NEUROD6: variants seen among roughly 807,000 people sequenced by gnomAD.
The protein encoded by NEUROD6 is neuronal differentiation 6.
In NEUROD6, 5 loss-of-function variants were observed where a neutral mutation model predicts 24.1. The ratio of observed to expected loss-of-function variants is 0.21; its 90% CI spans 0.11 to 0.44. NEUROD6 has a LOEUF of 0.44. NEUROD6 is among the 20% of genes least tolerant of loss of function. The pLI, the probability that NEUROD6 is intolerant of heterozygous loss-of-function variation, is 0.99. For missense variants in NEUROD6, 325 were observed against 409.5 expected (o/e 0.79, Z 1.78); for synonymous variants, 182 against 154.1 (o/e 1.18, Z -1.34).
chr7:31,340,198 A>G (rs936380388), intron 1 of NEUROD6, among the ~76,000 whole-genome samples: 2 of 152,208 alleles, frequency 1.3e-5, no homozygotes, highest in African/African-American at 2.4e-5. Flanking sequence ...TCTGACTGCA[A>G]TTGTGCACGT....
Position 31,338,287 on chromosome 7 carries a change from G to T in NEUROD6, c.982C>A (p.Gln328Lys), listed in dbSNP as rs746084879. ...LHLRSQSLTMQDELNAVFHN is the reference protein window; with the variant it reads ...LHLRSQSLTMKDELNAVFHN Reference sequence around the variant, plus strand: ...TGAAAAACTGCATTTAATTCATCTTGCATTGTGAGAGATTGGCTGCGCAGA... The same window carrying T: ...TGAAAAACTGCATTTAATTCATCTTTCATTGTGAGAGATTGGCTGCGCAGA... The change falls in exon 2 of 2, where the codon CAA becomes AAA. Residue 328 changes from glutamine (Q) to lysine (K), a missense_variant. By Grantham distance (53) the Gln-to-Lys change is moderately conservative. Transcript: ENST00000297142. The surrounding 1 kb of genome is among the most constrained non-coding windows in gnomAD (Gnocchi z 5.1). The T allele has an allele frequency of 1.9e-6, 3 of 1,613,720 alleles. No homozygotes were observed. The highest frequency in any genetic ancestry group is 1.3e-5 in the African/African-American group (1 of 74,870).
chr7:31,338,493 G>A lies in NEUROD6; in HGVS notation c.776C>T (p.Pro259Leu), dbSNP rs1783091408. Residue 259 changes from proline to leucine, a missense_variant, in exon 2 of 2, where the codon CCC becomes CTC. Physicochemically the swap from Pro to Leu is moderately conservative, Grantham distance 98 (BLOSUM62 -3). This residue lies in a region of NEUROD6 where 175 missense variants were observed against 201.3 expected (regional missense o/e 0.87). Transcript: ENST00000297142. The surrounding 1 kb of genome is among the most constrained non-coding windows in gnomAD (Gnocchi z 5.1). The stretch of plus-strand genomic sequence containing the variant: ...ATAGTTAATTGGGGGAGGACTTAAG[G>A]GACCTTCAAACTGAGGGCTGGCACA... ...PECASPQFEG[P>L]LSPPPINYNG... 1 of 1,613,892 alleles carries A rather than the reference G, an allele frequency of 6.2e-7. No individual in the cohort carries two copies. Among genetic ancestry groups the A allele is most frequent in the Non-Finnish European group, 8.5e-7 (1 of 1,179,920 alleles).
Position 31,339,041 on chromosome 7 carries a change from C to T in NEUROD6, c.228G>A (p.Arg76=), listed in dbSNP as rs1040320290. 2.5e-6 allele frequency: 4 copies of T among 1,613,972 alleles called. No individual in the cohort carries two copies. In the African/African-American group the frequency reaches 5.3e-5, roughly 22 times the overall value. The change falls in exon 2 of 2, where the codon AGG becomes AGA. Residue 76 remains arginine (R), a synonymous_variant. Coordinates refer to ENST00000297142, the MANE Select transcript of NEUROD6 (RefSeq NM_022728.4). ...EEEDENGLPR[R]RGLRKKKTTK... is the part of the protein sequence containing the mutation. ...TTGTCTTTTTTTTCCTAAGACCCCT[C>T]CTTCTAGGCAACCCATTTTCATCTT...
rs1414883057 is a variant in NEUROD6, at chr7:31,337,990, A to C, written c.*265T>G. 3 of 410,292 alleles carry C rather than the reference A, an allele frequency of 7.3e-6. No homozygotes were observed. Among genetic ancestry groups the C allele is most frequent in the Non-Finnish European group, 4.3e-6 (1 of 230,944 alleles). The allele number at this position is 410,292 out of a possible 1,614,324, so 25.4% of individuals were successfully genotyped here. ...GACACCTTGTTCAAACAAATTAAAT[A>C]AGTTTAAAAGAAAATTAAAAAGAAA... On this transcript the variant is annotated 3_prime_UTR_variant, in exon 2 of 2. Transcript: ENST00000297142.
rs1346023118 is a variant in NEUROD6 at position 31,338,313 on chromosome 7, T to C, written c.956A>G (p.His319Arg). The change falls in exon 2 of 2, where the codon CAT (histidine) becomes CGT (arginine). Residue 319 changes from histidine to arginine, a missense_variant. His to Arg is a conservative substitution (Grantham distance 29, BLOSUM62 0). Transcript: ENST00000297142. The surrounding 1 kb of genome is among the most constrained non-coding windows in gnomAD (Gnocchi z 5.1). ...CATTGTGAGAGATTGGCTGCGCAGA[T>C]GTAAGTCGTAAGGGAAGTGGCTGTC... ...PTDSHFPYDLHLRSQSLTMQD... is the reference protein window; with the variant it reads ...PTDSHFPYDLRLRSQSLTMQD... The C allele has an allele frequency of 9.9e-6, 16 of 1,614,064 alleles. No individual in the cohort carries two copies. The highest frequency in any genetic ancestry group is 1.3e-5 in the Non-Finnish European group (15 of 1,180,034).
Position 31,339,025 on chromosome 7 carries a change from T to A in NEUROD6, c.244A>T (p.Lys82Ter). The change falls in exon 2 of 2, where the codon AAA becomes TAA. Residue 82 changes from lysine (K) to a stop codon, truncating the protein, a stop_gained. Coordinates refer to ENST00000297142, the MANE Select transcript of NEUROD6 (RefSeq NM_022728.4). LOFTEE classifies it high-confidence loss of function. ...TCCAATCGCAGCTTTGTTGTCTTTT[T>A]TTTCCTAAGACCCCTCCTTCTAGGC... Reference protein sequence around the residue: ...GLPRRRGLRKKKTTKLRLERV... With the variant: ...GLPRRRGLRK 6.2e-7 allele frequency: 1 copy of A among 1,614,124 alleles called. No homozygotes were observed. Among genetic ancestry groups the A allele is most frequent in the East Asian group, 2.2e-5 (1 of 44,882 alleles).
chr7:31,338,232 A>C lies in NEUROD6; in HGVS notation c.*23T>G, dbSNP rs1344141872. The C allele has an allele frequency of 6.3e-7, 1 of 1,593,644 alleles. No homozygotes were observed. The highest frequency in any genetic ancestry group is 8.6e-7 in the Non-Finnish European group (1 of 1,162,700). On this transcript the variant is annotated 3_prime_UTR_variant, in exon 2 of 2. Transcript: ENST00000297142. The surrounding 1 kb of genome is among the most constrained non-coding windows in gnomAD (Gnocchi z 5.1). ...AATTAGACAGGGGAGGTGAATGACCACTGTTTATTTTCATTTTCCTCATTA... is the reference window on the plus strand; with the variant it reads ...AATTAGACAGGGGAGGTGAATGACCCCTGTTTATTTTCATTTTCCTCATTA...
chr7:31,339,974 A>T (rs979665203), intron 1 of NEUROD6, among the ~76,000 whole-genome samples: 3 of 152,214 alleles, frequency 2.0e-5, no homozygotes, highest in African/African-American at 7.2e-5. Context: ...AATAAACTCT[A>T]TAAATAAATT....
chr7:31,339,138 C>G lies in NEUROD6; in HGVS notation c.131G>C (p.Arg44Pro). ...AGGGGCCCTTTTGATGCTCTTTCCT[C>G]GAAGGACAATCTGTTTGGAAAAGCT... is the stretch of plus-strand genomic sequence containing the variant. Reference protein sequence around the residue: ...PESFSKQIVLRGKSIKRAPGE... With the variant: ...PESFSKQIVLPGKSIKRAPGE... Residue 44 changes from arginine to proline, a missense_variant, in exon 2 of 2, where the codon CGA becomes CCA. This residue lies in a region of NEUROD6 where 109 missense variants were observed against 107.3 expected (regional missense o/e 1.02). Coordinates refer to ENST00000297142, the MANE Select transcript of NEUROD6 (RefSeq NM_022728.4). The G allele has an allele frequency of 6.2e-7, 1 of 1,613,944 alleles. No homozygotes were observed. The highest frequency in any genetic ancestry group is 8.5e-7 in the Non-Finnish European group (1 of 1,180,004).
intron 1 of NEUROD6, among the ~76,000 whole-genome samples, chr7:31,339,559 A>G (rs186456689): frequency 7.9e-5 from 12 of 152,330 alleles, no homozygotes; most frequent in Admixed American, 7.8e-4. Flanking sequence ...ATTACCATCT[A>G]CATTTCTCTT....
Position 31,339,091 on chromosome 7 carries a change from C to A in NEUROD6, c.178G>T (p.Glu60Ter). The A allele has an allele frequency of 1.2e-6, 2 of 1,614,016 alleles. No homozygotes were observed. The highest frequency in any genetic ancestry group is 1.7e-6 in the Non-Finnish European group (2 of 1,179,994). The change falls in exon 2 of 2, where the codon GAA becomes TAA. Residue 60 changes from glutamate to a stop codon, truncating the protein, a stop_gained. Transcript: ENST00000297142. LOFTEE classifies it high-confidence loss of function. ...RAPGEETEKE[E>*]EEEDREEEDE... ...TCCTCTTCCCTGTCTTCCTCCTCTT[C>A]TTCTTTCTCGGTTTCTTCTCCAGGG... is the stretch of plus-strand genomic sequence containing the variant.
intron 1 of NEUROD6, among the ~76,000 whole-genome samples, chr7:31,339,915 G>A (rs1783105713): frequency 2.0e-5 from 3 of 151,972 alleles, no homozygotes; most frequent in South Asian, 4.2e-4. Context: ...ATGTAAAAGG[G>A]CACTATTTTC....
Position 31,339,019 on chromosome 7 carries a change from T to C in NEUROD6, c.250A>G (p.Thr84Ala), listed in dbSNP as rs370167291. 53 of 1,613,978 alleles carry C rather than the reference T, an allele frequency of 3.3e-5. No homozygotes were observed. The highest frequency in any genetic ancestry group is 4.2e-5 in the Non-Finnish European group (50 of 1,180,016). The change falls in exon 2 of 2, where the codon ACA becomes GCA. Residue 84 changes from threonine to alanine, a missense_variant. This residue lies in a region of NEUROD6 where 109 missense variants were observed against 107.3 expected (regional missense o/e 1.02). Coordinates refer to ENST00000297142, the MANE Select transcript of NEUROD6 (RefSeq NM_022728.4). ...PRRRGLRKKK[T>A]TKLRLERVKF... is the part of the protein sequence containing the mutation. The stretch of plus-strand genomic sequence containing the variant: ...ACCCTTTCCAATCGCAGCTTTGTTG[T>C]CTTTTTTTTCCTAAGACCCCTCCTT...
chr7:31,339,186 T>C lies in NEUROD6; in HGVS notation c.83A>G (p.Gln28Arg). ...CRKFSRECED[Q>R]KQIKKPESFS... Reference sequence around the variant, plus strand: ...GCTTTCTGGCTTCTTAATTTGCTTCTGGTCCTCGCATTCTCTAGAAAACTT... The same window carrying C: ...GCTTTCTGGCTTCTTAATTTGCTTCCGGTCCTCGCATTCTCTAGAAAACTT... The change falls in exon 2 of 2, where the codon CAG becomes CGG. Residue 28 changes from glutamine (Q) to arginine (R), a missense_variant. Physicochemically the swap from Gln to Arg is conservative, Grantham distance 43 (BLOSUM62 1). This residue lies in a region of NEUROD6 where 109 missense variants were observed against 107.3 expected (regional missense o/e 1.02). Coordinates refer to ENST00000297142, the MANE Select transcript of NEUROD6 (RefSeq NM_022728.4). 1 of 1,614,092 alleles carries C rather than the reference T, an allele frequency of 6.2e-7. No individual in the cohort carries two copies. Among genetic ancestry groups the C allele is most frequent in the Non-Finnish European group, 8.5e-7 (1 of 1,180,034 alleles).
chr7:31,339,881 A>AT lies in NEUROD6; in HGVS notation c.-21-593dup, dbSNP rs1055279054. ...ATAATCAGAGTCAATTTTTCAACTG[A>AT]TTTTTTCTGATCAGTAAAGAATTAT... On this transcript the variant is annotated intron_variant, in intron 1 of 1. Transcript: ENST00000297142. Among the ~76,000 whole-genome samples the AT allele has an allele frequency of 1.0e-3, 153 of 152,218 alleles. 1 individual carries two copies. Among genetic ancestry groups the AT allele is most frequent in the African/African-American group, 3.4e-3 (141 of 41,536 alleles).
chr7:31,338,194 T>C lies in NEUROD6; in HGVS notation c.*61A>G. On this transcript the variant is annotated 3_prime_UTR_variant, in exon 2 of 2. Coordinates refer to ENST00000297142, the MANE Select transcript of NEUROD6 (RefSeq NM_022728.4). This position sits in a 1 kb window ranked among gnomAD's most constrained non-coding sequence, Gnocchi z 5.1. ...GTGCCAATTACTCAGCCCACAAGCA[T>C]CTGCTTTGTCTTAATTAGACAGGGG... 7.2e-7 allele frequency: 1 copy of C among 1,396,896 alleles called. No homozygotes were observed. The highest frequency in any genetic ancestry group is 1.2e-5 in the South Asian group (1 of 80,654). The allele number at this position is 1,396,896 out of a possible 1,614,324, so 86.5% of individuals were successfully genotyped here. A position where few individuals can be genotyped will look rare whatever the true frequency, so the allele number is the denominator to read the frequency against.
rs761465978 is a variant in NEUROD6, at chr7:31,339,038, C to T, written c.231G>A (p.Arg77=). The T allele has an allele frequency of 6.2e-7, 1 of 1,613,954 alleles. No homozygotes were observed. ...TTGTTGTCTTTTTTTTCCTAAGACC[C>T]CTCCTTCTAGGCAACCCATTTTCAT... ...EEDENGLPRR[R]GLRKKKTTKL... The change falls in exon 2 of 2, where the codon AGG becomes AGA. Residue 77 remains arginine, a synonymous_variant. Transcript: ENST00000297142.
At position 31,340,626 on chromosome 7, in the gene NEUROD6, C is replaced by T. The variant is rs1321907518; in HGVS notation, c.-55G>A. 1 of 152,506 alleles carries T rather than the reference C, an allele frequency of 6.6e-6. No individual in the cohort carries two copies. The highest frequency in any genetic ancestry group is 2.4e-5 in the African/African-American group (1 of 41,432). The allele number at this position is 152,506 out of a possible 1,614,324, so 9.4% of individuals were successfully genotyped here. On this transcript the variant is annotated 5_prime_UTR_variant, in exon 1 of 2. An upstream start codon of the reference 5' UTR is lost. Coordinates refer to ENST00000297142, the MANE Select transcript of NEUROD6 (RefSeq NM_022728.4). ...TTAATTTCATTCAATAATCAGTTTT[C>T]ATTTTGGGTCTTCCAAATCTTTTCA... is the stretch of plus-strand genomic sequence containing the variant.
At position 31,339,145 on chromosome 7, in the gene NEUROD6, C is replaced by T; in HGVS notation, c.124G>A (p.Val42Ile). The part of the protein sequence containing the change: ...KKPESFSKQI[V>I]LRGKSIKRAP... ...CTTTTGATGCTCTTTCCTCGAAGGACAATCTGTTTGGAAAAGCTTTCTGGC... is the reference window on the plus strand; with the variant it reads ...CTTTTGATGCTCTTTCCTCGAAGGATAATCTGTTTGGAAAAGCTTTCTGGC... Residue 42 changes from valine to isoleucine, a missense_variant, in exon 2 of 2, where the codon GTC (valine) becomes ATC (isoleucine). By Grantham distance (29) the Val-to-Ile change is conservative. Coordinates refer to ENST00000297142, the MANE Select transcript of NEUROD6 (RefSeq NM_022728.4). The T allele has an allele frequency of 6.2e-7, 1 of 1,614,066 alleles. No homozygotes were observed. The highest frequency in any genetic ancestry group is 8.5e-7 in the Non-Finnish European group (1 of 1,180,012).
Sources: gnomAD v4.1 joint callset for allele counts (sites outside exome capture counted in the v4.1 genomes callset) on GRCh38, gnomAD v4.1.1 for gene constraint, gnomAD v4.1.1 regional missense constraint, Gnocchi (gnomAD v3.1) non-coding constraint, MANE v1.5 for transcripts, NCBI Gene and HGNC (gene_info 2026-07-23, HGNC 2026-07-21) for gene names.